PGGT1B: variants seen among roughly 807,000 people sequenced by gnomAD.
The protein encoded by PGGT1B is protein geranylgeranyltransferase type I subunit beta.
A neutral mutation model predicts 46.1 loss-of-function variants in PGGT1B; 30 were observed. The observed-to-expected ratio is 0.65, with a 90% CI of 0.49 to 0.88. The LOEUF is 0.88. Ranked by LOEUF, PGGT1B falls within the 40% of genes least tolerant of loss-of-function variation. The pLI is 0.00. For missense variants in PGGT1B, 376 were observed against 455.9 expected (o/e 0.82, Z 1.60); for synonymous variants, 170 against 160.0 (o/e 1.06, Z -0.47).
intron 2 of PGGT1B, 146 bp from the exon 3 acceptor site, chr5:115,241,752 G>A: frequency 1.9e-6 from 1 of 522,392 alleles, no homozygotes; most frequent in Non-Finnish European, 3.4e-6. Flanking sequence ...CCATGTGCCA[G>A]GTCCATTCTA....
Position 115,211,262 on chromosome 5 carries a change from C to G in PGGT1B, c.*1140G>C, listed in dbSNP as rs868451165. 2.6e-5 allele frequency: 4 copies of G among 152,054 alleles called. No homozygotes were observed. Among genetic ancestry groups the G allele is most frequent in the African/African-American group, 9.6e-5 (4 of 41,542 alleles). The allele number at this position is 152,054 out of a possible 1,614,324, so 9.4% of individuals were successfully genotyped here. On this transcript the variant is annotated 3_prime_UTR_variant, in exon 9 of 9. Transcript: ENST00000419445. The stretch of plus-strand genomic sequence containing the variant: ...CTAATGAAGAGTTTTTATACTACCT[C>G]CTTTATAATTAGCTAGTTCATAGAC...
chr5:115,218,400 T>C (rs572360266), intron 7 of PGGT1B, among the ~76,000 whole-genome samples: 41 of 97,610 alleles, frequency 4.2e-4, no homozygotes, highest in African/African-American at 1.8e-3. Flanking sequence ...TGTGTGTGTA[T>C]ATATATATAT....
chr5:115,260,170 A>G (rs188200168), intron 1 of PGGT1B, among the ~76,000 whole-genome samples: 1 of 152,358 alleles, frequency 6.6e-6, no homozygotes, highest in East Asian at 1.9e-4. Context: ...CATTGTCACT[A>G]GAAAAGTAAA....
At chr5:115,262,462 T>A in intron 1 of PGGT1B, 2 of 501,860 alleles carry the variant, frequency 4.0e-6, no homozygotes, top group Non-Finnish European at 7.1e-6. Context: ...CAGCTCAGAG[T>A]TGCCAGAAGA....
intron 5 of PGGT1B, among the ~76,000 whole-genome samples, chr5:115,232,276 C>T (rs1757014726): frequency 6.6e-6 from 1 of 151,850 alleles, no homozygotes; most frequent in African/African-American, 2.4e-5. Context: ...AAGGGAAGAG[C>T]TTGTGATAAA....
chr5:115,248,428 G>GT (rs1356651511), intron 2 of PGGT1B, among the ~76,000 whole-genome samples: 1 of 152,190 alleles, frequency 6.6e-6, no homozygotes, highest in East Asian at 1.9e-4. Context: ...ATGATGGACT[G>GT]TAATAGTCCT....
chr5:115,238,812 G>A (rs938078619), intron 3 of PGGT1B, among the ~76,000 whole-genome samples: 1 of 152,104 alleles, frequency 6.6e-6, no homozygotes, highest in Non-Finnish European at 1.5e-5. Context: ...GATTAAGTAA[G>A]TTACTGTCTA....
chr5:115,228,670 A>G (rs1246939513), intron 6 of PGGT1B, among the ~76,000 whole-genome samples: 1 of 152,116 alleles, frequency 6.6e-6, no homozygotes, highest in African/African-American at 2.4e-5. Context: ...TTTAGGAAGA[A>G]CTATTCAGAG....
At chr5:115,228,152 G>A (rs549396729) in intron 6 of PGGT1B, among the ~76,000 whole-genome samples, 3 of 152,290 alleles carry the variant, frequency 2.0e-5, no homozygotes, top group South Asian at 4.1e-4. Flanking sequence ...AAGTCATATC[G>A]AGAAAGATGC....
intron 2 of PGGT1B, among the ~76,000 whole-genome samples, chr5:115,245,117 C>T (rs1207560290): frequency 6.6e-6 from 1 of 152,120 alleles, no homozygotes; most frequent in Non-Finnish European, 1.5e-5. Flanking sequence ...AGCTCTGATA[C>T]CATCTGTCAG....
rs1756220197 is a variant in PGGT1B at position 115,211,507 on chromosome 5, G to A, written c.*895C>T. ...GAAATTAGAGCAGCTAACACACTGG[G>A]GGCAATAAATTAAAAACTTCAAATG... On this transcript the variant is annotated 3_prime_UTR_variant, in exon 9 of 9. Coordinates refer to ENST00000419445, the MANE Select transcript of PGGT1B (RefSeq NM_005023.4). 1 of 149,928 alleles carries A rather than the reference G, an allele frequency of 6.7e-6. No homozygotes were observed. The highest frequency in any genetic ancestry group is 2.0e-4 in the East Asian group (1 of 5,104). The allele number at this position is 149,928 out of a possible 1,614,324, so 9.3% of individuals were successfully genotyped here.
intron 2 of PGGT1B, among the ~76,000 whole-genome samples, chr5:115,246,524 G>A (rs1208654460): frequency 2.6e-5 from 4 of 152,076 alleles, no homozygotes; most frequent in Admixed American, 1.3e-4. Flanking sequence ...ATTTATCGCT[G>A]AATGCATACT....
chr5:115,232,939 CAA>C (rs1300879499), intron 5 of PGGT1B, among the ~76,000 whole-genome samples: 1 of 151,812 alleles, frequency 6.6e-6, no homozygotes, highest in South Asian at 2.1e-4. Context: ...ACCTGAGAAA[CAA>C]AAGAGAACCT....
intron 6 of PGGT1B, among the ~76,000 whole-genome samples, chr5:115,225,401 G>GT (rs34682527): frequency 0.37 from 56,677 of 151,890 alleles, 11,229 homozygotes; most frequent in Non-Finnish European, 0.45. Flanking sequence ...CTTCAGCTCT[G>GT]TTATGTTATG....
At chr5:115,246,680 C>T (rs1300043762) in intron 2 of PGGT1B, among the ~76,000 whole-genome samples, 1 of 152,114 alleles carries the variant, frequency 6.6e-6, no homozygotes, top group Non-Finnish European at 1.5e-5. Flanking sequence ...ACAGAGATGC[C>T]TCTTGCATCT....
chr5:115,239,363 T>C (rs186512823), intron 3 of PGGT1B, among the ~76,000 whole-genome samples: 14 of 152,294 alleles, frequency 9.2e-5, no homozygotes, highest in African/African-American at 3.4e-4. Flanking sequence ...GTTCTTTATA[T>C]GGTCTCACAA....
chr5:115,236,361 A>C, intron 5 of PGGT1B, 29 bp downstream of exon 5: 2 of 1,568,362 alleles, frequency 1.3e-6, no homozygotes, highest in South Asian at 2.4e-5. Context: ...AAAACAACCT[A>C]AATAGTCAAT....
In PGGT1B at chr5:115,212,447, G is replaced by A. The variant is rs770144073; in HGVS notation, c.1089C>T (p.Thr363=). Residue 363 remains threonine, a synonymous_variant, in exon 9 of 9, where the codon ACC becomes ACT. Transcript: ENST00000419445. ...RLLDLHQSWK[T]KDSKQCSENV... ...TCTCTGAGCATTGTTTAGAGTCCTTGGTTTTCCAGCTTTGATGGAGATCTA... is the reference window on the plus strand; with the variant it reads ...TCTCTGAGCATTGTTTAGAGTCCTTAGTTTTCCAGCTTTGATGGAGATCTA... 9 of 1,600,830 alleles carry A rather than the reference G, an allele frequency of 5.6e-6. No individual in the cohort carries two copies. The highest frequency in any genetic ancestry group is 7.7e-6 in the Non-Finnish European group (9 of 1,172,542).
At chr5:115,217,521 G>C (rs1756458637) in intron 7 of PGGT1B, among the ~76,000 whole-genome samples, 1 of 151,940 alleles carries the variant, frequency 6.6e-6, no homozygotes, top group African/African-American at 2.4e-5. Context: ...TAATGATTTA[G>C]GACATGTACT....
Sources: gnomAD v4.1 joint callset for allele counts (sites outside exome capture counted in the v4.1 genomes callset) on GRCh38, gnomAD v4.1.1 for gene constraint, MANE v1.5 for transcripts, NCBI Gene and HGNC (gene_info 2026-07-23, HGNC 2026-07-21) for gene names.